The following OR9Q1 variants were observed in gnomAD, a reference collection of about 807,000 sequenced individuals.
OR9Q1 encodes the protein olfactory receptor 9Q1.
For missense variants in OR9Q1, 374 were observed against 378.8 expected (o/e 0.99, Z 0.11); for synonymous variants, 153 against 148.6 (o/e 1.03, Z -0.22).
At chr11:58,082,270 C>T (rs1160138384) in intron 2 of OR9Q1, among the ~76,000 whole-genome samples, 1 of 151,546 alleles carries the variant, frequency 6.6e-6, no homozygotes, top group Non-Finnish European at 1.5e-5. Context: ...GGGAATATAC[C>T]CAAAGGACTA....
chr11:58,122,513 A>T (rs1405487855), intron 2 of OR9Q1, among the ~76,000 whole-genome samples: 1 of 152,230 alleles, frequency 6.6e-6, no homozygotes, highest in Non-Finnish European at 1.5e-5. Flanking sequence ...TCCATGATTT[A>T]TATGTCTAGG....
chr11:58,071,410 T>C lies in OR9Q1; in HGVS notation c.-15+15463T>C, dbSNP rs548870576. ...GGCTGAGGCAGGAGAATTGCTTGAA[T>C]CTGGGAGGCAGAGGTTGCAGTGAGC... On this transcript the variant is annotated intron_variant, in intron 2 of 2. Transcript: ENST00000335397. 1.2e-3 allele frequency among the ~76,000 whole-genome samples: 178 copies of C among 151,746 alleles called. 1 individual carries two copies. Among genetic ancestry groups the C allele is most frequent in the Non-Finnish European group, 2.1e-3 (140 of 67,900 alleles).
At chr11:58,160,266 C>A (rs1342100619) in intron 2 of OR9Q1, among the ~76,000 whole-genome samples, 1 of 152,156 alleles carries the variant, frequency 6.6e-6, no homozygotes, top group African/African-American at 2.4e-5. Flanking sequence ...TAACTGAAAT[C>A]CTGGATCTGA....
At chr11:58,086,303 C>G (rs1206621364) in intron 2 of OR9Q1, among the ~76,000 whole-genome samples, 1 of 151,584 alleles carries the variant, frequency 6.6e-6, no homozygotes, top group Non-Finnish European at 1.5e-5. Flanking sequence ...AAAGTGAAAC[C>G]ACAATGGAAT....
chr11:58,157,847 C>T (rs914056854), intron 2 of OR9Q1, among the ~76,000 whole-genome samples: 1 of 152,194 alleles, frequency 6.6e-6, no homozygotes, highest in Non-Finnish European at 1.5e-5. Flanking sequence ...CAGGGAGGTG[C>T]ATTAGCTGAT....
chr11:58,067,279 G>T (rs1284076357), intron 2 of OR9Q1, among the ~76,000 whole-genome samples: 1 of 151,852 alleles, frequency 6.6e-6, no homozygotes, highest in African/African-American at 2.4e-5. Flanking sequence ...CCCATGATCC[G>T]CCCACCTCGG....
At chr11:58,031,253 T>A in intron 1 of OR9Q1, 2 of 1,614,206 alleles carry the variant, frequency 1.2e-6, no homozygotes, top group Non-Finnish European at 8.5e-7. Flanking sequence ...TTATGCTGAT[T>A]GCCTATCCCA....
At chr11:58,038,973 T>C (rs1853133937) in intron 1 of OR9Q1, among the ~76,000 whole-genome samples, 1 of 152,088 alleles carries the variant, frequency 6.6e-6, no homozygotes, top group African/African-American at 2.4e-5. Flanking sequence ...AATCTTCTTC[T>C]TTATTTTTAA....
chr11:58,096,600 C>T (rs1384885098), intron 2 of OR9Q1, among the ~76,000 whole-genome samples: 1 of 152,066 alleles, frequency 6.6e-6, no homozygotes, highest in Non-Finnish European at 1.5e-5. Flanking sequence ...GCAGCCTCTA[C>T]CTCCTGGGCT....
chr11:58,162,699 A>G (rs1277027349), intron 2 of OR9Q1, among the ~76,000 whole-genome samples: 2 of 152,208 alleles, frequency 1.3e-5, no homozygotes, highest in East Asian at 3.9e-4. Flanking sequence ...ATATATTTTG[A>G]GTGCTTCCTA....
At chr11:58,176,659 A>T (rs1590628050) in intron 2 of OR9Q1, among the ~76,000 whole-genome samples, 1 of 152,166 alleles carries the variant, frequency 6.6e-6, no homozygotes. Context: ...GATCTTGAGG[A>T]TGGTAGGGTC....
At chr11:58,176,058 C>A (rs991116917) in intron 2 of OR9Q1, among the ~76,000 whole-genome samples, 6 of 152,062 alleles carry the variant, frequency 3.9e-5, no homozygotes, top group Non-Finnish European at 7.4e-5. Context: ...CCAGAGAGGG[C>A]AAACAGAAGA....
rs1309470862 is a variant in OR9Q1, at chr11:58,164,157, G to C, written c.-14-15274G>C. 3.3e-5 allele frequency among the ~76,000 whole-genome samples: 5 copies of C among 152,084 alleles called. No individual in the cohort carries two copies. The South Asian group carries it at 6.2e-4, about 19-fold the overall frequency. ...ACCTTGTCTCGGCTTGCAGGGGTTG[G>C]GGGGATGCGCATGTAGGGATTTATG... is the stretch of plus-strand genomic sequence containing the variant. On this transcript the variant is annotated intron_variant, in intron 2 of 2. Transcript: ENST00000335397.
chr11:58,108,226 T>G (rs1853861622), intron 2 of OR9Q1, among the ~76,000 whole-genome samples: 1 of 152,206 alleles, frequency 6.6e-6, no homozygotes, highest in African/African-American at 2.4e-5. Flanking sequence ...TCATTCACTT[T>G]ATAGTGAGTT....
chr11:58,090,040 T>A (rs1853669381), intron 2 of OR9Q1, among the ~76,000 whole-genome samples: 1 of 152,204 alleles, frequency 6.6e-6, no homozygotes, highest in Admixed American at 6.5e-5. Context: ...CTTAAGGAGA[T>A]TTTGGGCTGA....
intron 2 of OR9Q1, among the ~76,000 whole-genome samples, chr11:58,153,644 A>G (rs1230913304): frequency 6.6e-6 from 1 of 152,020 alleles, no homozygotes; most frequent in Non-Finnish European, 1.5e-5. Context: ...TAAACTCCTG[A>G]TATGATGTCT....
chr11:58,137,555 A>G (rs1854201201), intron 2 of OR9Q1, among the ~76,000 whole-genome samples: 1 of 152,186 alleles, frequency 6.6e-6, no homozygotes, highest in African/African-American at 2.4e-5. Context: ...TAAGAGGATA[A>G]TATATGTAAA....
At chr11:58,046,539 A>T (rs1853218340) in intron 1 of OR9Q1, among the ~76,000 whole-genome samples, 1 of 152,192 alleles carries the variant, frequency 6.6e-6, no homozygotes, top group African/African-American at 2.4e-5. Context: ...AGGAGGCATG[A>T]TGATAGTTGA....
Position 58,180,189 on chromosome 11 carries a change from C to T in OR9Q1, c.745C>T (p.Leu249Phe). Reference sequence around the variant, plus strand: ...CACCTCCCACCTCACTGCTGTGTCACTCTTCTTTGGTACCCTCATCTTCAT... The same window carrying T: ...CACCTCCCACCTCACTGCTGTGTCATTCTTCTTTGGTACCCTCATCTTCAT... ...TCTSHLTAVSLFFGTLIFMYL... is the reference protein window; with the variant it reads ...TCTSHLTAVSFFFGTLIFMYL... Residue 249 changes from leucine (L) to phenylalanine (F), a missense_variant, in exon 3 of 3, where the codon CTC (leucine) becomes TTC (phenylalanine). Transcript: ENST00000335397. 6.2e-7 allele frequency: 1 copy of T among 1,614,068 alleles called. No individual in the cohort carries two copies. The highest frequency in any genetic ancestry group is 8.5e-7 in the Non-Finnish European group (1 of 1,179,966).
Sources: allele counts gnomAD v4.1 joint callset (sites outside exome capture counted in the v4.1 genomes callset), GRCh38; gene constraint gnomAD v4.1.1; transcripts MANE v1.5; gene names NCBI Gene and HGNC (gene_info 2026-07-23, HGNC 2026-07-21).